MGAM2: variants seen among roughly 807,000 people sequenced by gnomAD.
MGAM2 encodes the protein maltase-glucoamylase 2 (putative), also known as probable maltase-glucoamylase 2.
A neutral mutation model predicts 96.1 loss-of-function variants in MGAM2; 98 were observed. The ratio of observed to expected loss-of-function variants is 1.02; its 90% CI spans 0.87 to 1.21. The LOEUF is 1.21. Among genes scored for constraint, MGAM2 ranks in the 50% most tolerant of loss-of-function variants. MGAM2 has a pLI of 0.00. For missense variants in MGAM2, 2,055 were observed against 1,182.4 expected (o/e 1.74, Z -10.82); for synonymous variants, 749 against 414.8 (o/e 1.81, Z -9.79).
At position 142,141,166 on chromosome 7, in the gene MGAM2, T is replaced by C. The variant is rs1370472649; in HGVS notation, c.1317+47T>C. 7.3e-6 allele frequency: 5 copies of C among 683,868 alleles called. No individual in the cohort carries two copies. In the Admixed American group the frequency reaches 8.6e-5, roughly 12 times the overall value. 42.4% of individuals were successfully genotyped at this position (683,868 alleles called of 1,614,324 possible). ...AGTAAATTATGATTGTTTTGGGGAGTTGTACTTTTGGTACGAAGATGAGTG... is the reference window on the plus strand; with the variant it reads ...AGTAAATTATGATTGTTTTGGGGAGCTGTACTTTTGGTACGAAGATGAGTG... On this transcript the variant is annotated intron_variant, in intron 12 of 47. Transcript: ENST00000477922.
intron 37 of MGAM2, among the ~76,000 whole-genome samples, chr7:142,194,843 C>A (rs977112097): frequency 6.6e-6 from 1 of 152,038 alleles, no homozygotes; most frequent in Non-Finnish European, 1.5e-5. Flanking sequence ...TTGACTAATT[C>A]ATCTGTGTCT....
At chr7:142,123,970 T>TA (rs1458858450) in intron 3 of MGAM2, among the ~76,000 whole-genome samples, 4 of 121,762 alleles carry the variant, frequency 3.3e-5, no homozygotes, top group East Asian at 5.2e-4. Flanking sequence ...AAACTTTTTT[T>TA]TTTTTTTTTT....
chr7:142,201,071 C>CTTTTTTTTTTTTTTTTTTT lies in MGAM2; in HGVS notation c.5137+1113_5137+1114insTTTTTTTTTTTTTTTTTTT, dbSNP rs72092512. Among the ~76,000 whole-genome samples the CTTTTTTTTTTTTTTTTTTT allele has an allele frequency of 5.9e-5, 5 of 84,382 alleles. 1 individual carries two copies. The highest frequency in any genetic ancestry group is 6.4e-5 in the Non-Finnish European group (3 of 46,998). The allele number at this position is 84,382 out of a possible 152,430, so 55.4% of individuals were successfully genotyped here. On this transcript the variant is annotated intron_variant, in intron 45 of 47. Coordinates refer to ENST00000477922, the MANE Select transcript of MGAM2 (RefSeq NM_001293626.2). ...CATTGTTATAAATAACATCCTTTTT[C>CTTTTTTTTTTTTTTTTTTT]TTTTTTTTTTCTTTTTTTTTTTTTT...
intron 32 of MGAM2, among the ~76,000 whole-genome samples, chr7:142,181,624 G>T (rs1796545583): frequency 6.6e-6 from 1 of 152,214 alleles, no homozygotes; most frequent in Admixed American, 6.5e-5. Flanking sequence ...CTGACAGGCT[G>T]TGCTCTTCCC....
At chr7:142,112,327 T>G (rs1466740608) in intron 1 of MGAM2, among the ~76,000 whole-genome samples, 1 of 152,120 alleles carries the variant, frequency 6.6e-6, no homozygotes, top group Non-Finnish European at 1.5e-5. Flanking sequence ...GTTCCTGTAC[T>G]TCCTGAGCTA....
chr7:142,190,267 CTTTTTTTTTTTTTT>C (rs58228482), intron 37 of MGAM2, among the ~76,000 whole-genome samples: 1 of 104,246 alleles, frequency 9.6e-6, no homozygotes. Context: ...TACCATTTTA[CTTTTTTTTTTTTTT>C]TTTTTTTTTT....
At chr7:142,132,814 AATAT>A (rs1465920252) in intron 6 of MGAM2, among the ~76,000 whole-genome samples, 1 of 127,556 alleles carries the variant, frequency 7.8e-6, no homozygotes, top group Non-Finnish European at 1.5e-5. Flanking sequence ...TGTATAATAT[AATAT>A]ATAATTATAA....
chr7:142,123,668 A>G (rs1794649940), intron 3 of MGAM2, among the ~76,000 whole-genome samples: 1 of 151,950 alleles, frequency 6.6e-6, no homozygotes, highest in Non-Finnish European at 1.5e-5. Context: ...TTACTTATGT[A>G]TTCTGGATAC....
intron 33 of MGAM2, among the ~76,000 whole-genome samples, chr7:142,184,767 A>G (rs1796644603): frequency 6.6e-6 from 1 of 152,222 alleles, no homozygotes; most frequent in African/African-American, 2.4e-5. Flanking sequence ...ATTTTGTTAT[A>G]GGTCTGTGAC....
intron 31 of MGAM2, among the ~76,000 whole-genome samples, chr7:142,174,625 T>C (rs1796304659): frequency 6.6e-6 from 1 of 151,964 alleles, no homozygotes; most frequent in Non-Finnish European, 1.5e-5. Context: ...CAAGATCTAG[T>C]ATCTAGATAC....
Position 142,183,290 on chromosome 7 carries a change from A to G in MGAM2, c.3841A>G (p.Thr1281Ala). 1 of 703,482 alleles carries G rather than the reference A, an allele frequency of 1.4e-6. No homozygotes were observed. The highest frequency in any genetic ancestry group is 2.6e-6 in the Non-Finnish European group (1 of 384,992). The allele number at this position is 703,482 out of a possible 1,614,324, so 43.6% of individuals were successfully genotyped here. A position where few individuals can be genotyped will look rare whatever the true frequency, so the allele number is the denominator to read the frequency against. Residue 1281 changes from threonine (T) to alanine (A), a missense_variant, in exon 33 of 48, where the codon ACA (threonine) becomes GCA (alanine). By Grantham distance (58) the Thr-to-Ala change is moderately conservative. Coordinates refer to ENST00000477922, the MANE Select transcript of MGAM2 (RefSeq NM_001293626.2). ...GGACCCAGCCATTTCTGGCAATGAG[A>G]CACAGTATCTCCCATTCATTAGAGG... ...ILDPAISGNE[T>A]QYLPFIRGQE...
At position 142,148,204 on chromosome 7, in the gene MGAM2, C is replaced by T. The variant is rs1219284524; in HGVS notation, c.1634+631C>T. On this transcript the variant is annotated intron_variant, in intron 15 of 47. Transcript: ENST00000477922. This position sits in a 1 kb window ranked among gnomAD's most constrained non-coding sequence, Gnocchi z 4.2. Reference sequence around the variant, plus strand: ...ATTACTACCACCATTATTGCCATCACCACCACCATCACTACCACTACTATC... The same window carrying T: ...ATTACTACCACCATTATTGCCATCATCACCACCATCACTACCACTACTATC... Among the ~76,000 whole-genome samples the T allele has an allele frequency of 2.6e-5, 4 of 151,790 alleles. No homozygotes were observed. Among genetic ancestry groups the T allele is most frequent in the Non-Finnish European group, 5.9e-5 (4 of 67,956 alleles).
chr7:142,152,819 A>G (rs376257103), intron 15 of MGAM2, among the ~76,000 whole-genome samples: 9 of 152,104 alleles, frequency 5.9e-5, no homozygotes, highest in East Asian at 5.8e-4. Context: ...ACAGGGGGGA[A>G]AAAAGAAAAG....
chr7:142,118,193 A>G (rs1817482990), intron 2 of MGAM2, among the ~76,000 whole-genome samples: 1 of 152,088 alleles, frequency 6.6e-6, no homozygotes, highest in Non-Finnish European at 1.5e-5. Flanking sequence ...ACTCCTGACA[A>G]CTACCATTCT....
intron 3 of MGAM2, among the ~76,000 whole-genome samples, chr7:142,121,266 C>T (rs1040095187): frequency 1.3e-5 from 2 of 152,148 alleles, no homozygotes; most frequent in Admixed American, 6.5e-5. Flanking sequence ...CAACCTCTGC[C>T]TCCCAGGTTC....
intron 2 of MGAM2, among the ~76,000 whole-genome samples, chr7:142,117,679 A>G (rs1226983636): frequency 1.3e-5 from 2 of 152,186 alleles, no homozygotes; most frequent in African/African-American, 4.8e-5. Flanking sequence ...CTCTCTCCAC[A>G]GTAAACATTA....
At chr7:142,175,066 A>T (rs964187229) in intron 31 of MGAM2, among the ~76,000 whole-genome samples, 39 of 152,082 alleles carry the variant, frequency 2.6e-4, no homozygotes, top group African/African-American at 9.2e-4. Context: ...AACTTCCAAT[A>T]CTACATTGAA....
At chr7:142,150,617 A>G (rs1259927826) in intron 15 of MGAM2, among the ~76,000 whole-genome samples, 1 of 152,100 alleles carries the variant, frequency 6.6e-6, no homozygotes, top group Admixed American at 6.5e-5. Flanking sequence ...TTAGTAATCA[A>G]AACCTGCATT....
At chr7:142,127,338 CTCTT>C (rs1326421176) in intron 3 of MGAM2, among the ~76,000 whole-genome samples, 1 of 151,906 alleles carries the variant, frequency 6.6e-6, no homozygotes, top group Non-Finnish European at 1.5e-5. Flanking sequence ...ACTTCATCTA[CTCTT>C]TCTTTCATAT....
Sources: allele counts gnomAD v4.1 joint callset (sites outside exome capture counted in the v4.1 genomes callset), GRCh38; gene constraint gnomAD v4.1.1; non-coding constraint Gnocchi (gnomAD v3.1); transcripts MANE v1.5; gene names NCBI Gene and HGNC (gene_info 2026-07-23, HGNC 2026-07-21).